Variants in ADAMTS18 observed in about 807,000 individuals in gnomAD.
The protein encoded by ADAMTS18 is A disintegrin and metalloproteinase with thrombospondin motifs 18.
ADAMTS18 carries 157 observed loss-of-function variants against 165.9 expected under a neutral mutation model. The ratio of observed to expected loss-of-function variants is 0.95; its 90% CI spans 0.83 to 1.08. The LOEUF is 1.08. ADAMTS18 is among the 50% of genes least tolerant of loss of function. The probability of loss-of-function intolerance (pLI) is 0.00; values close to 1 mark genes in which losing one functional copy is unlikely to be tolerated. For missense variants in ADAMTS18, 2,040 were observed against 1,534.0 expected (o/e 1.33, Z -5.51); for synonymous variants, 782 against 578.2 (o/e 1.35, Z -5.06).
At chr16:77,290,309 G>A (rs1003351430) in intron 21 of ADAMTS18, among the ~76,000 whole-genome samples, 1 of 152,162 alleles carries the variant, frequency 6.6e-6, no homozygotes, top group African/African-American at 2.4e-5. Context: ...AATATATTAA[G>A]CAAATGAACA....
intron 12 of ADAMTS18, among the ~76,000 whole-genome samples, chr16:77,327,209 T>A (rs1277136230): frequency 6.6e-6 from 1 of 152,188 alleles, no homozygotes; most frequent in Non-Finnish European, 1.5e-5. Flanking sequence ...TTGATTTTTT[T>A]ATTTCAATAG....
chr16:77,333,628 G>C (rs2056227116), intron 12 of ADAMTS18, among the ~76,000 whole-genome samples: 1 of 151,496 alleles, frequency 6.6e-6, no homozygotes, highest in East Asian at 1.9e-4. Context: ...TCAGTGTATA[G>C]AGATATCTGT....
chr16:77,370,186 G>A lies in ADAMTS18; in HGVS notation c.496-2463C>T, dbSNP rs139069331. Among the ~76,000 whole-genome samples, 582 of 152,222 alleles carry A rather than the reference G, an allele frequency of 3.8e-3. 3 individuals are homozygous for A. The highest frequency in any genetic ancestry group is 5.9e-3 in the Non-Finnish European group (398 of 68,016). The stretch of plus-strand genomic sequence containing the variant: ...CTAAGATCCAGAACAAGACAAAGAT[G>A]CCCACTTTCACCACTTCTATTCTAC... On this transcript the variant is annotated intron_variant, in intron 3 of 22. Transcript: ENST00000282849.
Position 77,295,014 on chromosome 16 carries a change from T to C in ADAMTS18, c.2915A>G (p.His972Arg). Residue 972 changes from histidine to arginine, a missense_variant, in exon 19 of 23, where the codon CAT becomes CGT. Physicochemically the swap from His to Arg is conservative, Grantham distance 29 (BLOSUM62 0). Transcript: ENST00000282849. ...GGGTGTGCTCACTGGACAGAGAGAATGCAACACTGCTTCCTCCTTTTGGAA... is the reference window on the plus strand; with the variant it reads ...GGGTGTGCTCACTGGACAGAGAGAACGCAACACTGCTTCCTCCTTTTGGAA... ...KPFQKEEAVL[H>R]SLCPVSTPTQ... 1 of 1,614,160 alleles carries C rather than the reference T, an allele frequency of 6.2e-7. No homozygotes were observed. The highest frequency in any genetic ancestry group is 8.5e-7 in the Non-Finnish European group (1 of 1,180,022).
At chr16:77,363,048 C>A (rs1403619865) in intron 6 of ADAMTS18, among the ~76,000 whole-genome samples, 1 of 152,114 alleles carries the variant, frequency 6.6e-6, no homozygotes, top group Non-Finnish European at 1.5e-5. Context: ...TGTCTTCCTG[C>A]TTTTTATGTT....
rs2056873985 is a variant in ADAMTS18, at chr16:77,371,373, A to G, written c.496-3650T>C. Among the ~76,000 whole-genome samples the G allele has an allele frequency of 3.3e-5, 5 of 152,176 alleles. No individual in the cohort carries two copies. The South Asian group carries it at 1.0e-3, about 32-fold the overall frequency. ...ACAGCTGGAAACATCACATTACTCA[A>G]CTTTGAAATATACTAGAAAGCTACA... On this transcript the variant is annotated intron_variant, in intron 3 of 22. Coordinates refer to ENST00000282849, the MANE Select transcript of ADAMTS18 (RefSeq NM_199355.4).
intron 16 of ADAMTS18, among the ~76,000 whole-genome samples, chr16:77,316,217 T>A (rs2055883968): frequency 6.6e-6 from 1 of 152,042 alleles, no homozygotes; most frequent in Non-Finnish European, 1.5e-5. Context: ...CCAGTTTACT[T>A]CTTGCCTCTC....
At chr16:77,425,592 C>T (rs1489968715) in intron 3 of ADAMTS18, among the ~76,000 whole-genome samples, 1 of 152,162 alleles carries the variant, frequency 6.6e-6, no homozygotes, top group Non-Finnish European at 1.5e-5. Flanking sequence ...AAGAATGGAG[C>T]TTGGTTTAGA....
intron 3 of ADAMTS18, among the ~76,000 whole-genome samples, chr16:77,413,162 T>C (rs2057486983): frequency 6.6e-6 from 1 of 152,156 alleles, no homozygotes. Context: ...GAGCACCCAC[T>C]GCTATTTCCC....
chr16:77,284,020 T>C lies in ADAMTS18; in HGVS notation c.3602A>G (p.His1201Arg), dbSNP rs753578241. The C allele has an allele frequency of 3.7e-6, 6 of 1,613,930 alleles. No individual in the cohort carries two copies. The highest frequency in any genetic ancestry group is 4.2e-6 in the Non-Finnish European group (5 of 1,179,946). Residue 1201 changes from histidine to arginine, a missense_variant, in exon 23 of 23, where the codon CAT becomes CGT. His to Arg is a conservative substitution (Grantham distance 29, BLOSUM62 0). Coordinates refer to ENST00000282849, the MANE Select transcript of ADAMTS18 (RefSeq NM_199355.4). ...FFNWCHLVPQ[H>R]GVCNHKFYGK... Reference sequence around the variant, plus strand: ...GTAAAACTTGTGGTTGCAGACACCATGCTGAGGAACTAGGTGACACCAGTT... The same window carrying C: ...GTAAAACTTGTGGTTGCAGACACCACGCTGAGGAACTAGGTGACACCAGTT...
At chr16:77,295,274 G>A (rs1375763782) in intron 18 of ADAMTS18, 147 bp from the exon 19 acceptor site, 1 of 819,012 alleles carries the variant, frequency 1.2e-6, no homozygotes, top group East Asian at 2.6e-5. Flanking sequence ...TTCTTTGAGG[G>A]ATCCAGAGGC....
intron 3 of ADAMTS18, among the ~76,000 whole-genome samples, chr16:77,385,226 T>C (rs943212642): frequency 4.6e-5 from 7 of 152,194 alleles, no homozygotes; most frequent in African/African-American, 1.7e-4. Context: ...AATATTTTGA[T>C]ATAAGATTAG....
chr16:77,383,456 A>AT (rs1196064585), intron 3 of ADAMTS18, among the ~76,000 whole-genome samples: 1 of 151,772 alleles, frequency 6.6e-6, no homozygotes, highest in Non-Finnish European at 1.5e-5. Flanking sequence ...CCCATCTCAG[A>AT]TTTTTTTCAT....
chr16:77,362,298 T>G, intron 6 of ADAMTS18, 34 bp from the exon 7 acceptor site: 4 of 1,612,624 alleles, frequency 2.5e-6, no homozygotes, highest in Non-Finnish European at 3.4e-6. Context: ...AAGTGTGAAT[T>G]TGTCACAGAG....
At chr16:77,391,721 C>A (rs962345294) in intron 3 of ADAMTS18, among the ~76,000 whole-genome samples, 1 of 151,368 alleles carries the variant, frequency 6.6e-6, no homozygotes, top group Non-Finnish European at 1.5e-5. Flanking sequence ...AAAATGACAA[C>A]AAGAACTACA....
Position 77,283,728 on chromosome 16 carries a change from G to T in ADAMTS18, c.*228C>A, listed in dbSNP as rs2055192725. On this transcript the variant is annotated 3_prime_UTR_variant, in exon 23 of 23. Coordinates refer to ENST00000282849, the MANE Select transcript of ADAMTS18 (RefSeq NM_199355.4). ...AAATCAAAGATTTTTTTTAAAGTCA[G>T]ATTTGTCATCGCTTCCCATTTTCAA... 6 of 533,066 alleles carry T rather than the reference G, an allele frequency of 1.1e-5. No homozygotes were observed. Among genetic ancestry groups the T allele is most frequent in the Non-Finnish European group, 1.7e-5 (5 of 295,982 alleles). The allele number at this position is 533,066 out of a possible 1,614,324, so 33.0% of individuals were successfully genotyped here.
intron 3 of ADAMTS18, among the ~76,000 whole-genome samples, chr16:77,387,831 A>T (rs960391459): frequency 1.3e-5 from 2 of 152,130 alleles, no homozygotes; most frequent in African/African-American, 4.8e-5. Context: ...TTTTCTATCC[A>T]GGAGTTTATT....
At chr16:77,367,802 T>A in intron 3 of ADAMTS18, 79 bp from the exon 4 acceptor site, 1 of 1,555,198 alleles carries the variant, frequency 6.4e-7, no homozygotes, top group Non-Finnish European at 8.9e-7. Flanking sequence ...CAACTGCTTC[T>A]GACTAATTCC....
chr16:77,283,929 C>T lies in ADAMTS18; in HGVS notation c.*27G>A, dbSNP rs749387164. On this transcript the variant is annotated 3_prime_UTR_variant, in exon 23 of 23. Coordinates refer to ENST00000282849, the MANE Select transcript of ADAMTS18 (RefSeq NM_199355.4). ...AGAGGTTGAAAGGTAAGCCCCTGGCCCTAAGGTGCTGGGGAGGACACCAAG... is the reference window on the plus strand; with the variant it reads ...AGAGGTTGAAAGGTAAGCCCCTGGCTCTAAGGTGCTGGGGAGGACACCAAG... 217 of 1,567,080 alleles carry T rather than the reference C, an allele frequency of 1.4e-4. No homozygotes were observed. The highest frequency in any genetic ancestry group is 1.9e-4 in the Non-Finnish European group (216 of 1,137,822).
Sources: gnomAD v4.1 joint callset for allele counts (sites outside exome capture counted in the v4.1 genomes callset) on GRCh38, gnomAD v4.1.1 for gene constraint, MANE v1.5 for transcripts, NCBI Gene and HGNC (gene_info 2026-07-23, HGNC 2026-07-21) for gene names.